Variants in CDH20 observed in about 807,000 individuals in gnomAD.
The protein encoded by CDH20 is cadherin 20.
CDH20 carries 29 observed loss-of-function variants against 74.2 expected under a neutral mutation model. That is an observed-to-expected ratio of 0.39 (90% confidence interval 0.29 to 0.53). CDH20 has a LOEUF of 0.53. Among genes scored for constraint, CDH20 ranks in the 20% least tolerant of loss-of-function variants. The pLI, the probability that CDH20 is intolerant of heterozygous loss-of-function variation, is 0.69. For missense variants in CDH20, 988 were observed against 1,048.3 expected (o/e 0.94, Z 0.79); for synonymous variants, 469 against 405.4 (o/e 1.16, Z -1.88).
chr18:61,547,045 T>G (rs1341151692), intron 10 of CDH20, among the ~76,000 whole-genome samples: 2 of 152,118 alleles, frequency 1.3e-5, no homozygotes, highest in Non-Finnish European at 2.9e-5. Context: ...ATTTTAAAAA[T>G]TAGCCAGGCA....
chr18:61,430,903 T>C (rs1215575706), intron 1 of CDH20, among the ~76,000 whole-genome samples: 1 of 152,144 alleles, frequency 6.6e-6, no homozygotes. Context: ...CCCTGGTTCC[T>C]TTTCCTGGAG....
At chr18:61,467,951 A>T (rs556041939) in intron 1 of CDH20, among the ~76,000 whole-genome samples, 1 of 152,202 alleles carries the variant, frequency 6.6e-6, no homozygotes, top group Non-Finnish European at 1.5e-5. Flanking sequence ...TATGTAGTAG[A>T]CATAGGAACT....
intron 6 of CDH20, among the ~76,000 whole-genome samples, chr18:61,513,194 G>A (rs1451429887): frequency 1.4e-5 from 2 of 145,664 alleles, no homozygotes; most frequent in Non-Finnish European, 3.0e-5. Context: ...CTCCTGTATT[G>A]GGTGCATATA....
intron 1 of CDH20, among the ~76,000 whole-genome samples, chr18:61,483,488 C>T (rs150402813): frequency 6.6e-6 from 1 of 152,248 alleles, no homozygotes; most frequent in African/African-American, 2.4e-5. Context: ...ATGTAAATTA[C>T]TTGACACAGC....
chr18:61,453,743 G>A (rs1307323570), intron 1 of CDH20, among the ~76,000 whole-genome samples: 1 of 152,166 alleles, frequency 6.6e-6, no homozygotes, highest in Non-Finnish European at 1.5e-5. Flanking sequence ...TAGTTTGGGG[G>A]CATTATTAGT....
Position 61,555,106 on chromosome 18 carries a change from TTA to T in CDH20, c.*413_*414del. The T allele has an allele frequency of 9.9e-7, 1 of 1,011,336 alleles. No homozygotes were observed. Among genetic ancestry groups the T allele is most frequent in the Non-Finnish European group, 1.2e-6 (1 of 846,532 alleles). The allele number at this position is 1,011,336 out of a possible 1,614,324, so 62.6% of individuals were successfully genotyped here. A position where few individuals can be genotyped will look rare whatever the true frequency, so the allele number is the denominator to read the frequency against. ...TCTACTCTCGTATCTGTTTTTTATC[TTA>T]TCTTATTCTCCATTTAAGAGTTTTG... is the stretch of plus-strand genomic sequence containing the variant. On this transcript the variant is annotated 3_prime_UTR_variant, in exon 12 of 12. Coordinates refer to ENST00000262717, the MANE Select transcript of CDH20 (RefSeq NM_031891.4).
At position 61,554,590 on chromosome 18, in the gene CDH20, G is replaced by A. The variant is rs1391080148; in HGVS notation, c.2301G>A (p.Thr767=). ...CGCTGAGCTCCCTGCAGTCGGCCACGTCGGACTCGGAACAGAGCTTCGACT... is the reference window on the plus strand; with the variant it reads ...CGCTGAGCTCCCTGCAGTCGGCCACATCGGACTCGGAACAGAGCTTCGACT... The part of the protein sequence containing the change: ...AGSLSSLQSA[T]SDSEQSFDFL... Residue 767 remains threonine, a synonymous_variant, in exon 12 of 12, where the codon ACG becomes ACA. Transcript: ENST00000262717. 3.7e-6 allele frequency: 6 copies of A among 1,608,836 alleles called. No homozygotes were observed. In the African/African-American group the frequency reaches 4.0e-5, roughly 11 times the overall value.
intron 1 of CDH20, among the ~76,000 whole-genome samples, chr18:61,406,382 C>T (rs981407783): frequency 3.3e-5 from 5 of 152,146 alleles, no homozygotes; most frequent in African/African-American, 1.2e-4. Context: ...GTTCATTCTA[C>T]AAATATGCAT....
At chr18:61,488,588 A>G (rs1699595445) in intron 1 of CDH20, among the ~76,000 whole-genome samples, 1 of 152,238 alleles carries the variant, frequency 6.6e-6, no homozygotes, top group Admixed American at 6.5e-5. Flanking sequence ...TAATGAAGAT[A>G]GAACCAGTAA....
chr18:61,550,462 T>G (rs1316428206), intron 11 of CDH20, among the ~76,000 whole-genome samples: 2 of 152,224 alleles, frequency 1.3e-5, no homozygotes, highest in African/African-American at 4.8e-5. Flanking sequence ...TACTATGAGC[T>G]GGGGCACCAC....
chr18:61,420,910 TG>T (rs1912854057), intron 1 of CDH20, among the ~76,000 whole-genome samples: 2 of 151,968 alleles, frequency 1.3e-5, no homozygotes, highest in Non-Finnish European at 2.9e-5. Flanking sequence ...AAAAACTAGC[TG>T]GGCGTGTGGC....
chr18:61,551,939 C>T (rs972932000), intron 11 of CDH20, among the ~76,000 whole-genome samples: 7 of 152,140 alleles, frequency 4.6e-5, no homozygotes, highest in Non-Finnish European at 1.0e-4. Flanking sequence ...TTTATCTTAT[C>T]CCTTCCCACC....
rs117952946 is a variant in CDH20 at position 61,442,927 on chromosome 18, G to A, written c.-152-47475G>A. ...CCCGGGATCCTGAAAAAAAAAAACA[G>A]TGCTTCCCAGATTGGAACTACTTAC... On this transcript the variant is annotated intron_variant, in intron 1 of 11. Coordinates refer to ENST00000262717, the MANE Select transcript of CDH20 (RefSeq NM_031891.4). 2.3e-3 allele frequency among the ~76,000 whole-genome samples: 340 copies of A among 150,952 alleles called. 4 individuals carry two copies. The East Asian group carries it at 0.04, about 18-fold the overall frequency.
chr18:61,403,566 T>C (rs1295645283), intron 1 of CDH20, among the ~76,000 whole-genome samples: 1 of 152,192 alleles, frequency 6.6e-6, no homozygotes, highest in African/African-American at 2.4e-5. Flanking sequence ...CAAGTAGTCT[T>C]AAAATTAGTT....
intron 6 of CDH20, among the ~76,000 whole-genome samples, chr18:61,524,918 C>CT (rs111591225): frequency 0.013 from 2,002 of 150,246 alleles, 38 homozygotes; most frequent in African/African-American, 0.047. Context: ...GAGACGCTGT[C>CT]TAAAAAAAAA....
At chr18:61,532,873 A>G (rs753827224) in intron 7 of CDH20, among the ~76,000 whole-genome samples, 3 of 152,240 alleles carry the variant, frequency 2.0e-5, no homozygotes, top group Admixed American at 1.3e-4. Flanking sequence ...ATAATTTTTA[A>G]GAACATAGTA....
chr18:61,399,716 G>A (rs1405489868), intron 1 of CDH20, among the ~76,000 whole-genome samples: 2 of 152,100 alleles, frequency 1.3e-5, no homozygotes, highest in African/African-American at 4.8e-5. Flanking sequence ...TTTGCTTTCA[G>A]TCTCAGGGAT....
intron 1 of CDH20, among the ~76,000 whole-genome samples, chr18:61,435,592 G>A (rs1237639554): frequency 6.6e-6 from 1 of 152,034 alleles, no homozygotes; most frequent in Non-Finnish European, 1.5e-5. Flanking sequence ...CAGGAGGGAT[G>A]CCATTATCCC....
At chr18:61,411,645 A>AT (rs1912512590) in intron 1 of CDH20, among the ~76,000 whole-genome samples, 1 of 151,558 alleles carries the variant, frequency 6.6e-6, no homozygotes. Flanking sequence ...ACACACACAC[A>AT]CACACACACA....
Sources: allele counts gnomAD v4.1 joint callset (sites outside exome capture counted in the v4.1 genomes callset), GRCh38; gene constraint gnomAD v4.1.1; transcripts MANE v1.5; gene names NCBI Gene and HGNC (gene_info 2026-07-23, HGNC 2026-07-21).